The following DCC variants were observed in gnomAD, a reference collection of about 807,000 sequenced individuals.
DCC encodes netrin receptor DCC.
A neutral mutation model predicts 172.5 loss-of-function variants in DCC; 58 were observed. That is an observed-to-expected ratio of 0.34 (90% CI 0.27 to 0.42). The LOEUF (loss-of-function observed/expected upper bound fraction) is 0.42, where lower values mean the gene tolerates loss of function less well. Among genes scored for constraint, DCC ranks in the 10% least tolerant of loss-of-function variants. The pLI, the probability that DCC is intolerant of heterozygous loss-of-function variation, is 1.00. For synonymous variants in DCC, 709 were observed against 644.5 expected (o/e 1.10, Z -1.52); for missense variants, 1,740 against 1,791.0 (o/e 0.97, Z 0.51).
intron 12 of DCC, among the ~76,000 whole-genome samples, chr18:53,253,814 T>G (rs2056471972): frequency 6.6e-6 from 1 of 152,056 alleles, no homozygotes; most frequent in Non-Finnish European, 1.5e-5. Flanking sequence ...CATGACATTT[T>G]TATTTACCTT....
At chr18:53,494,992 G>C (rs1007646937) in intron 26 of DCC, among the ~76,000 whole-genome samples, 3 of 152,116 alleles carry the variant, frequency 2.0e-5, no homozygotes, top group South Asian at 2.1e-4. Flanking sequence ...TGTAAGGCAG[G>C]CCTGGTGGTG....
In DCC at chr18:53,047,295, T is replaced by G. The variant is rs1300687361; in HGVS notation, c.986-16010T>G. ...ATATATATATATATATATAATTTTATATATATATATATAATTTTATATATA... is the reference window on the plus strand; with the variant it reads ...ATATATATATATATATATAATTTTAGATATATATATATAATTTTATATATA... On this transcript the variant is annotated intron_variant, in intron 5 of 28. Transcript: ENST00000442544. Among the ~76,000 whole-genome samples the G allele has an allele frequency of 1.9e-4, 4 of 21,522 alleles. 1 individual carries two copies. The highest frequency in any genetic ancestry group is 1.3e-3 in the Admixed American group (4 of 2,968). The allele number at this position is 21,522 out of a possible 152,430, so 14.1% of individuals were successfully genotyped here.
intron 9 of DCC, among the ~76,000 whole-genome samples, chr18:53,185,573 ATC>A (rs1237879144): frequency 6.6e-6 from 1 of 152,190 alleles, no homozygotes; most frequent in Non-Finnish European, 1.5e-5. Flanking sequence ...AATTCAACTT[ATC>A]TCTCTTGTGA....
chr18:53,202,357 G>A (rs2055551733), intron 9 of DCC, among the ~76,000 whole-genome samples: 1 of 151,974 alleles, frequency 6.6e-6, no homozygotes, highest in African/African-American at 2.4e-5. Context: ...GTATAATTAA[G>A]GACAATAATG....
At chr18:52,471,399 G>A (rs545426984) in intron 1 of DCC, among the ~76,000 whole-genome samples, 13 of 152,270 alleles carry the variant, frequency 8.5e-5, no homozygotes, top group South Asian at 2.1e-4. Flanking sequence ...AAGAGAACAC[G>A]TGCAGACCTT....
At chr18:52,435,453 G>A (rs143527743) in intron 1 of DCC, among the ~76,000 whole-genome samples, 19 of 152,166 alleles carry the variant, frequency 1.2e-4, no homozygotes, top group Middle Eastern at 3.4e-3. Flanking sequence ...CTGCCTCCTC[G>A]TCAGAGCCTC....
intron 1 of DCC, among the ~76,000 whole-genome samples, chr18:52,401,335 A>G (rs528504914): frequency 2.6e-5 from 4 of 152,054 alleles, no homozygotes; most frequent in South Asian, 2.1e-4. Context: ...CTCCATCTCT[A>G]CTGAGCATTT....
intron 7 of DCC, among the ~76,000 whole-genome samples, chr18:53,138,150 C>G (rs1331059170): frequency 6.6e-6 from 1 of 152,026 alleles, no homozygotes; most frequent in African/African-American, 2.4e-5. Flanking sequence ...AAAATCTGGT[C>G]TAATTTATAC....
chr18:53,225,932 AC>A (rs1314852313), intron 12 of DCC, among the ~76,000 whole-genome samples: 1 of 152,064 alleles, frequency 6.6e-6, no homozygotes, highest in Non-Finnish European at 1.5e-5. Flanking sequence ...TAAAAAGAAA[AC>A]CCATGGATCT....
At position 52,493,737 on chromosome 18, in the gene DCC, T is replaced by C. The variant is rs78392226; in HGVS notation, c.91+152859T>C. Among the ~76,000 whole-genome samples the C allele has an allele frequency of 7.6e-3, 1,153 of 152,214 alleles. 38 individuals are homozygous for C. The highest frequency in any genetic ancestry group is 0.051 in the Admixed American group (785 of 15,260). On this transcript the variant is annotated intron_variant, in intron 1 of 28. Coordinates refer to ENST00000442544, the MANE Select transcript of DCC (RefSeq NM_005215.4). ...AATTTATGATTTTTTGTGGATACCT[T>C]AGAGATATTAACATGGGACTTTGAT...
chr18:53,469,338 TA>T (rs2045667055), intron 25 of DCC, among the ~76,000 whole-genome samples: 1 of 152,210 alleles, frequency 6.6e-6, no homozygotes, highest in African/African-American at 2.4e-5. Flanking sequence ...ACTGAATATT[TA>T]TGACCAAAAG....
chr18:52,389,350 A>G (rs1173236285), intron 1 of DCC, among the ~76,000 whole-genome samples: 2 of 152,146 alleles, frequency 1.3e-5, no homozygotes. Context: ...CATGGAACAT[A>G]TTTCTACTAA....
intron 9 of DCC, among the ~76,000 whole-genome samples, chr18:53,193,711 A>G (rs2055399993): frequency 6.6e-6 from 1 of 152,128 alleles, no homozygotes; most frequent in African/African-American, 2.4e-5. Flanking sequence ...ACGTGTTAGG[A>G]GAATAGAGTG....
chr18:53,066,006 T>C, intron 6 of DCC, 40 bp from the exon 7 acceptor site: 1 of 1,610,680 alleles, frequency 6.2e-7, no homozygotes, highest in East Asian at 2.2e-5. Context: ...TTGCATTTTT[T>C]GCTTTCTAAA....
At chr18:53,447,813 CTG>C (rs1457280233) in intron 22 of DCC, among the ~76,000 whole-genome samples, 2 of 151,968 alleles carry the variant, frequency 1.3e-5, no homozygotes, top group African/African-American at 2.4e-5. Flanking sequence ...ATAAGTAAAA[CTG>C]TGAAAAAAGG....
intron 2 of DCC, among the ~76,000 whole-genome samples, chr18:52,887,808 T>A (rs1349582875): frequency 6.6e-6 from 1 of 152,206 alleles, no homozygotes; most frequent in African/African-American, 2.4e-5. Flanking sequence ...TAAATCCAAT[T>A]TTTCTCAGAA....
chr18:53,170,438 G>T (rs1038260713), intron 8 of DCC, among the ~76,000 whole-genome samples: 2 of 152,080 alleles, frequency 1.3e-5, no homozygotes, highest in African/African-American at 2.4e-5. Flanking sequence ...ATTTTTTTTG[G>T]AGTGGGGGCA....
At position 53,203,918 on chromosome 18, in the gene DCC, A is replaced by T. The variant is rs150107219; in HGVS notation, c.1574-1298A>T. ...TACAGGTCCATATGCAGGAATACAA[A>T]ATTATGAAAAAATACAAAATTTGCA... On this transcript the variant is annotated intron_variant, in intron 9 of 28. Transcript: ENST00000442544. Among the ~76,000 whole-genome samples the T allele has an allele frequency of 1.4e-3, 206 of 152,322 alleles. 1 individual carries two copies. Among genetic ancestry groups the T allele is most frequent in the African/African-American group, 4.8e-3 (200 of 41,572 alleles).
rs986281243 is a variant in DCC, at chr18:52,806,904, T to G, written c.412+54530T>G. 3.9e-5 allele frequency among the ~76,000 whole-genome samples: 6 copies of G among 152,254 alleles called. No homozygotes were observed. The South Asian group carries it at 1.2e-3, about 32-fold the overall frequency. Reference sequence around the variant, plus strand: ...TCAGGCATCCTGTTTCCTAAAGATATGCAGAGTTGGTTAGGTGCAGTGGCT... The same window carrying G: ...TCAGGCATCCTGTTTCCTAAAGATAGGCAGAGTTGGTTAGGTGCAGTGGCT... On this transcript the variant is annotated intron_variant, in intron 2 of 28. Coordinates refer to ENST00000442544, the MANE Select transcript of DCC (RefSeq NM_005215.4).
Sources: gnomAD v4.1 joint callset for allele counts (sites outside exome capture counted in the v4.1 genomes callset) on GRCh38, gnomAD v4.1.1 for gene constraint, MANE v1.5 for transcripts, NCBI Gene and HGNC (gene_info 2026-07-23, HGNC 2026-07-21) for gene names.